ELANE: variants seen among roughly 807,000 people sequenced by gnomAD.
The protein encoded by ELANE is elastase, neutrophil expressed, also known as neutrophil elastase.
ELANE carries 12 observed loss-of-function variants against 20.6 expected under a neutral mutation model. That is an observed-to-expected ratio of 0.58 (90% confidence interval 0.37 to 0.94). The LOEUF (loss-of-function observed/expected upper bound fraction) is 0.94. ELANE is among the 40% of genes least tolerant of loss of function. ELANE has a pLI of 0.01. For synonymous variants in ELANE, 203 were observed against 177.4 expected (o/e 1.14, Z -1.15); for missense variants, 388 against 395.2 (o/e 0.98, Z 0.15).
At chr19:852,594 AGGG>A (rs371057361) in intron 1 of ELANE, among the ~76,000 whole-genome samples, 199 bp downstream of exon 1, 12 of 76,608 alleles carry the variant, frequency 1.6e-4, no homozygotes, top group East Asian at 6.2e-4. Context: ...AAAACCGGGG[AGGG>A]GGGGGGGGTC....
chr19:853,213 C>T (rs1397614046), intron 2 of ELANE, 49 bp from the exon 3 acceptor site: 8 of 1,544,414 alleles, frequency 5.2e-6, no homozygotes, highest in African/African-American at 1.4e-5. Flanking sequence ...CGCGGCTGAG[C>T]CCCGACCCCC....
At chr19:853,058 CG>C in intron 2 of ELANE, 26 bp downstream of exon 2, 1 of 1,487,140 alleles carries the variant, frequency 6.7e-7, no homozygotes, top group Non-Finnish European at 8.9e-7. Flanking sequence ...TGTGCGCGCC[CG>C]GCTCGGACCC....
chr19:852,882 C>A lies in ELANE; in HGVS notation c.74C>A (p.Ala25Glu), dbSNP rs1396230082. ...VLPALLLGGT[A>E]LASEIVGGRR... ...GCACCCGGTGTGTCCCCAGGCACCG[C>A]GCTGGCCTCGGAGATTGTGGGGGGC... is the stretch of plus-strand genomic sequence containing the variant. The change falls in exon 2 of 5, where the codon GCG becomes GAG. Residue 25 changes from alanine to glutamate, a missense_variant. Ala to Glu is a moderately radical substitution (Grantham distance 107). Around this residue, in one of 3 missense-constraint regions of ELANE, gnomAD observed 58 missense variants for 56.7 expected, o/e 1.02. Transcript: ENST00000263621. 1.3e-6 allele frequency: 2 copies of A among 1,595,564 alleles called. No individual in the cohort carries two copies. Among genetic ancestry groups the A allele is most frequent in the Admixed American group, 1.7e-5 (1 of 59,784 alleles).
rs1181456695 is a variant in ELANE at position 853,271 on chromosome 19, C to A, written c.234C>A (p.Arg78=). 1.2e-6 allele frequency: 2 copies of A among 1,602,922 alleles called. No individual in the cohort carries two copies. Among genetic ancestry groups the A allele is most frequent in the Non-Finnish European group, 8.5e-7 (1 of 1,175,440 alleles). The change falls in exon 3 of 5, where the codon CGC becomes CGA. Residue 78 remains arginine (R), a synonymous_variant. Coordinates refer to ENST00000263621, the MANE Select transcript of ELANE (RefSeq NM_001972.4). ...TCTCCCTCCCCGGCAGAAACGTCCGCGCGGTGCGGGTGGTCCTGGGAGCCC... is the reference window on the plus strand; with the variant it reads ...TCTCCCTCCCCGGCAGAAACGTCCGAGCGGTGCGGGTGGTCCTGGGAGCCC... ...AAHCVANVNV[R]AVRVVLGAHN...
intron 1 of ELANE, 118 bp downstream of exon 1, chr19:852,513 G>A: frequency 7.8e-7 from 1 of 1,279,596 alleles, no homozygotes; most frequent in Non-Finnish European, 1.1e-6. Context: ...TGCCAGCTGG[G>A]ACAAGGAGAC....
In ELANE at chr19:853,128, G is replaced by C. The variant is rs975464615; in HGVS notation, c.224+96G>C. 3.6e-5 allele frequency: 54 copies of C among 1,487,014 alleles called. No homozygotes were observed. In the East Asian group the frequency reaches 1.4e-3, roughly 38 times the overall value. The allele number at this position is 1,487,014 out of a possible 1,614,324, so 92.1% of individuals were successfully genotyped here. On this transcript the variant is annotated intron_variant, in intron 2 of 4. Transcript: ENST00000263621. ...CCGGGGCCGGGGCTGCTGGCGGGGGGGGGTCCGTCCAGGGCCCGCGGGGCC... is the reference window on the plus strand; with the variant it reads ...CCGGGGCCGGGGCTGCTGGCGGGGGCGGGTCCGTCCAGGGCCCGCGGGGCC...
chr19:853,136 T>A, intron 2 of ELANE, 104 bp downstream of exon 2: 2 of 1,469,498 alleles, frequency 1.4e-6, no homozygotes, highest in South Asian at 2.7e-5. Context: ...GGGGGGTCCG[T>A]CCAGGGCCCG....
At position 856,219 on chromosome 19, in the gene ELANE, C is replaced by G; in HGVS notation, c.*55C>G. ...CACACCCACACTCTCCAGCATCTGGCACAATAAACATTCTCTGTTTTGTAG... is the reference window on the plus strand; with the variant it reads ...CACACCCACACTCTCCAGCATCTGGGACAATAAACATTCTCTGTTTTGTAG... On this transcript the variant is annotated 3_prime_UTR_variant, in exon 5 of 5. Coordinates refer to ENST00000263621, the MANE Select transcript of ELANE (RefSeq NM_001972.4). 1 of 1,586,098 alleles carries G rather than the reference C, an allele frequency of 6.3e-7. No homozygotes were observed. The highest frequency in any genetic ancestry group is 2.2e-5 in the East Asian group (1 of 44,740).
chr19:853,065 G>A, intron 2 of ELANE, 33 bp downstream of exon 2: 1 of 1,514,106 alleles, frequency 6.6e-7, no homozygotes, highest in Non-Finnish European at 8.8e-7. Context: ...GCCCGGCTCG[G>A]ACCCCGCGTC....
rs536244338 is a variant in ELANE, at chr19:853,217, G to A, written c.225-45G>A. The stretch of plus-strand genomic sequence containing the variant: ...GGACGACAAGGCGCGGCTGAGCCCC[G>A]ACCCCCGGGGCCGCCCCTGAGCCCC... On this transcript the variant is annotated intron_variant, in intron 2 of 4. Transcript: ENST00000263621. The A allele has an allele frequency of 1.2e-5, 18 of 1,548,172 alleles. No individual in the cohort carries two copies. In the Middle Eastern group the frequency reaches 5.5e-4, roughly 47 times the overall value.
At position 855,283 on chromosome 19, in the gene ELANE, G is replaced by A. The variant is rs540576246; in HGVS notation, c.367-281G>A. 5.9e-5 allele frequency among the ~76,000 whole-genome samples: 9 copies of A among 152,084 alleles called. No homozygotes were observed. Among genetic ancestry groups the A allele is most frequent in the Admixed American group, 5.9e-4 (9 of 15,250 alleles). ...TGGGCTTACAAGCATGAGCCACCGC[G>A]CCCGGCTGTAGTTTTTTTGTTAACT... On this transcript the variant is annotated intron_variant, in intron 3 of 4. Coordinates refer to ENST00000263621, the MANE Select transcript of ELANE (RefSeq NM_001972.4). This position sits in a 1 kb window ranked among gnomAD's most constrained non-coding sequence, Gnocchi z 6.2.
chr19:854,587 G>T (rs1329393609), intron 3 of ELANE, among the ~76,000 whole-genome samples: 1 of 150,530 alleles, frequency 6.6e-6, no homozygotes, highest in African/African-American at 2.4e-5. Flanking sequence ...TTGGAATGGG[G>T]GGTAGCTGGA....
In ELANE at chr19:855,877, GGGACT is replaced by G. The variant is rs1360773955; in HGVS notation, c.598-80_598-76del. ...CAGGCACCGTGGCTAGACCCTAGGA[GGGACT>G]TCCCAACCCTGACAGGCGGCGGGCA... On this transcript the variant is annotated intron_variant, in intron 4 of 4. Coordinates refer to ENST00000263621, the MANE Select transcript of ELANE (RefSeq NM_001972.4). This position sits in a 1 kb window ranked among gnomAD's most constrained non-coding sequence, Gnocchi z 6.2. The G allele has an allele frequency of 1.2e-6, 2 of 1,606,128 alleles. No individual in the cohort carries two copies. Among genetic ancestry groups the G allele is most frequent in the African/African-American group, 2.7e-5 (2 of 74,948 alleles).
In ELANE at chr19:855,116, A is replaced by G. The variant is rs552537820; in HGVS notation, c.367-448A>G. On this transcript the variant is annotated intron_variant, in intron 3 of 4. Coordinates refer to ENST00000263621, the MANE Select transcript of ELANE (RefSeq NM_001972.4). The surrounding 1 kb of genome is among the most constrained non-coding windows in gnomAD (Gnocchi z 6.2). ...GATTGGCCCACCTCAGCCTCCCAAA[A>G]TGCTGGGATTATAGGCGTGAGCCAC... Among the ~76,000 whole-genome samples, 76 of 152,054 alleles carry G rather than the reference A, an allele frequency of 5.0e-4. 2 individuals are homozygous for G. In the South Asian group the frequency reaches 0.015, roughly 29 times the overall value.
At chr19:854,509 C>T (rs2035644064) in intron 3 of ELANE, among the ~76,000 whole-genome samples, 1 of 151,072 alleles carries the variant, frequency 6.6e-6, no homozygotes, top group African/African-American at 2.4e-5. Context: ...ATAGCTCTCA[C>T]CCAGTGCAGT....
At chr19:852,524 C>A in intron 1 of ELANE, 129 bp downstream of exon 1, 2 of 1,267,978 alleles carry the variant, frequency 1.6e-6, no homozygotes, top group Non-Finnish European at 2.2e-6. Flanking sequence ...ACAAGGAGAC[C>A]AGAAGAGACT....
Position 853,029 on chromosome 19 carries a change from A to ATG in ELANE, c.224+2_224+3dup. On this transcript the variant is annotated frameshift_variant, in exon 2 of 5. Coordinates refer to ENST00000263621, the MANE Select transcript of ELANE (RefSeq NM_001972.4). LOFTEE classifies it high-confidence loss of function. ...ATGTCGGCCGCGCACTGCGTGGCGA[A>ATG]TGTGTGAGTAGCCGGGAGTGTGCGC... is the stretch of plus-strand genomic sequence containing the variant. 6.8e-7 allele frequency: 1 copy of ATG among 1,471,972 alleles called. No homozygotes were observed. 91.2% of individuals were successfully genotyped at this position (1,471,972 alleles called of 1,614,324 possible).
In ELANE at chr19:855,286, C is replaced by T. The variant is rs961812917; in HGVS notation, c.367-278C>T. Among the ~76,000 whole-genome samples, 2 of 152,152 alleles carry T rather than the reference C, an allele frequency of 1.3e-5. No homozygotes were observed. Among genetic ancestry groups the T allele is most frequent in the Non-Finnish European group, 2.9e-5 (2 of 68,024 alleles). On this transcript the variant is annotated intron_variant, in intron 3 of 4. Transcript: ENST00000263621. This position sits in a 1 kb window ranked among gnomAD's most constrained non-coding sequence, Gnocchi z 6.2. ...GCTTACAAGCATGAGCCACCGCGCC[C>T]GGCTGTAGTTTTTTTGTTAACTGAG...
intron 1 of ELANE, 114 bp downstream of exon 1, chr19:852,509 C>A: frequency 7.5e-7 from 1 of 1,336,042 alleles, no homozygotes; most frequent in Non-Finnish European, 1.0e-6. Context: ...GAGGTGCCAG[C>A]TGGGACAAGG....
Sources: allele counts gnomAD v4.1 joint callset (sites outside exome capture counted in the v4.1 genomes callset), GRCh38; gene constraint gnomAD v4.1.1; regional missense constraint gnomAD v4.1.1; non-coding constraint Gnocchi (gnomAD v3.1); transcripts MANE v1.5; gene names NCBI Gene and HGNC (gene_info 2026-07-23, HGNC 2026-07-21).